The following BCAR3 variants were observed in gnomAD, a reference collection of about 807,000 sequenced individuals.
The protein encoded by BCAR3 is BCAR3 adaptor protein, NSP family member.
Under a neutral mutation model 80.1 loss-of-function variants are expected in BCAR3, and 37 were observed. That is an observed-to-expected ratio of 0.46 (90% confidence interval 0.36 to 0.61). The LOEUF (loss-of-function observed/expected upper bound fraction) is 0.61. Among genes scored for constraint, BCAR3 ranks in the 20% least tolerant of loss-of-function variants. BCAR3 has a pLI of 0.00. For missense variants in BCAR3, 978 were observed against 1,068.2 expected (o/e 0.92, Z 1.18); for synonymous variants, 389 against 418.9 (o/e 0.93, Z 0.87).
chr1:93,758,314 G>A (rs1396281419), intron 2 of BCAR3, among the ~76,000 whole-genome samples: 1 of 152,236 alleles, frequency 6.6e-6, no homozygotes, highest in Admixed American at 6.5e-5. Flanking sequence ...ACAGGGCCAG[G>A]GGAGGACAAA....
At chr1:93,779,050 G>A (rs1269007035) in intron 2 of BCAR3, among the ~76,000 whole-genome samples, 1 of 152,124 alleles carries the variant, frequency 6.6e-6, no homozygotes, top group African/African-American at 2.4e-5. Context: ...ATGGGAGGAG[G>A]CAAGATGGGA....
intron 11 of BCAR3, 45 bp downstream of exon 11, chr1:93,567,234 T>G: frequency 1.3e-6 from 2 of 1,592,184 alleles, no homozygotes; most frequent in Non-Finnish European, 1.7e-6. Context: ...TTCATTTCAA[T>G]TACGATACAG....
intron 2 of BCAR3, among the ~76,000 whole-genome samples, chr1:93,672,324 C>T (rs908028635): frequency 6.6e-6 from 1 of 152,122 alleles, no homozygotes; most frequent in Non-Finnish European, 1.5e-5. Flanking sequence ...TACTGCCTCC[C>T]CACCCACCCC....
chr1:93,589,801 C>T (rs1255911360), intron 4 of BCAR3, among the ~76,000 whole-genome samples: 1 of 152,040 alleles, frequency 6.6e-6, no homozygotes, highest in Non-Finnish European at 1.5e-5. Flanking sequence ...GCAGGAAGTG[C>T]CGGGGAGGGG....
chr1:93,730,210 C>T (rs538704895), intron 2 of BCAR3, among the ~76,000 whole-genome samples: 21 of 152,162 alleles, frequency 1.4e-4, no homozygotes, highest in Non-Finnish European at 2.8e-4. Context: ...CTCCCTGTCC[C>T]TCCCCCGCCA....
intron 11 of BCAR3, among the ~76,000 whole-genome samples, chr1:93,565,445 T>G (rs1020708491): frequency 1.3e-5 from 2 of 152,204 alleles, no homozygotes; most frequent in African/African-American, 4.8e-5. Context: ...TGAGCAGATC[T>G]CTGCCTTTCC....
At chr1:93,614,067 A>G in intron 3 of BCAR3, 1 of 1,438,482 alleles carries the variant, frequency 7.0e-7, no homozygotes, top group Non-Finnish European at 9.1e-7. Flanking sequence ...CAGCCGGGGG[A>G]GTGAGTCGGC....
intron 2 of BCAR3, among the ~76,000 whole-genome samples, chr1:93,809,306 TA>T (rs1170888070): frequency 6.7e-6 from 1 of 148,770 alleles, no homozygotes; most frequent in African/African-American, 2.5e-5. Context: ...GCTAAATTAA[TA>T]AACAACATCT....
chr1:93,652,287 A>C (rs75175006), intron 2 of BCAR3, among the ~76,000 whole-genome samples: 1,628 of 152,316 alleles, frequency 0.011, 12 homozygotes, highest in South Asian at 0.02. Flanking sequence ...AAAGAATACA[A>C]GGACAGTATC....
At chr1:93,797,287 G>C (rs565559444) in intron 2 of BCAR3, among the ~76,000 whole-genome samples, 1 of 152,262 alleles carries the variant, frequency 6.6e-6, no homozygotes, top group African/African-American at 2.4e-5. Context: ...CTTTCCTTCT[G>C]AAAGAGTATG....
intron 3 of BCAR3, among the ~76,000 whole-genome samples, chr1:93,607,892 C>G (rs185184393): frequency 2.7e-4 from 41 of 152,314 alleles, no homozygotes; most frequent in Admixed American, 2.3e-3. Context: ...CATCCGCCCA[C>G]CAGACACAGC....
chr1:93,807,549 T>C (rs1653697158), intron 2 of BCAR3, among the ~76,000 whole-genome samples: 1 of 152,160 alleles, frequency 6.6e-6, no homozygotes, highest in South Asian at 2.1e-4. Context: ...ACAAAAGTTG[T>C]CTTATTATGC....
intron 3 of BCAR3, among the ~76,000 whole-genome samples, chr1:93,593,349 T>A (rs1271150721): frequency 6.6e-6 from 1 of 152,176 alleles, no homozygotes; most frequent in Non-Finnish European, 1.5e-5. Context: ...CACTACTTTT[T>A]AAAAATGTTT....
chr1:93,636,469 G>GAGCAGGCC (rs1675783508), intron 3 of BCAR3, among the ~76,000 whole-genome samples: 1 of 151,956 alleles, frequency 6.6e-6, no homozygotes, highest in East Asian at 1.9e-4. Flanking sequence ...GTAGCCTGGA[G>GAGCAGGCC]AGCAGGCCTT....
chr1:93,773,177 C>G (rs1180451823), intron 2 of BCAR3, among the ~76,000 whole-genome samples: 1 of 152,206 alleles, frequency 6.6e-6, no homozygotes, highest in African/African-American at 2.4e-5. Context: ...CATGTTTCCT[C>G]CTGTTGACTA....
chr1:93,607,696 C>T (rs1341765872), intron 3 of BCAR3, among the ~76,000 whole-genome samples: 2 of 152,038 alleles, frequency 1.3e-5, no homozygotes, highest in Non-Finnish European at 2.9e-5. Context: ...GCCTCAAGCT[C>T]CCGTATAGGA....
chr1:93,735,873 T>C (rs1004523746), intron 2 of BCAR3, among the ~76,000 whole-genome samples: 42 of 152,250 alleles, frequency 2.8e-4, no homozygotes, highest in African/African-American at 9.4e-4. Flanking sequence ...GGCCTTCCTA[T>C]GGATTCTGCA....
chr1:93,582,231 G>A (rs1673735562), intron 7 of BCAR3, 70 bp downstream of exon 7: 3 of 1,536,300 alleles, frequency 2.0e-6, no homozygotes, highest in South Asian at 2.5e-5. Context: ...AAAGCCAGAG[G>A]AGCACCGGGA....
intron 3 of BCAR3, among the ~76,000 whole-genome samples, chr1:93,618,947 T>C (rs372486744): frequency 1.3e-5 from 2 of 151,002 alleles, no homozygotes; most frequent in South Asian, 4.2e-4. Context: ...TTGTTTTTTT[T>C]TTTTTAATCT....
Sources: allele counts gnomAD v4.1 joint callset (sites outside exome capture counted in the v4.1 genomes callset), GRCh38; gene constraint gnomAD v4.1.1; transcripts MANE v1.5; gene names NCBI Gene and HGNC (gene_info 2026-07-23, HGNC 2026-07-21).